The following TEX2 variants were observed in gnomAD, a reference collection of about 807,000 sequenced individuals.
The protein encoded by TEX2 is testis expressed 2, also known as testis-expressed protein 2.
Under a neutral mutation model 106.9 loss-of-function variants are expected in TEX2, and 53 were observed. The ratio of observed to expected loss-of-function variants is 0.50; its 90% confidence interval spans 0.40 to 0.62. The LOEUF is 0.62. TEX2 is among the 20% of genes least tolerant of loss of function. The probability of loss-of-function intolerance (pLI) is 0.00; values close to 1 mark genes in which losing one functional copy is unlikely to be tolerated. For missense variants in TEX2, 1,207 were observed against 1,379.0 expected, an observed-to-expected ratio of 0.88 and a Z score of 1.98; for synonymous variants, 523 against 534.8, an observed-to-expected ratio of 0.98 and a Z score of 0.30.
intron 7 of TEX2, among the ~76,000 whole-genome samples, chr17:64,168,330 C>CCACT (rs2031236207): frequency 6.6e-6 from 1 of 152,178 alleles, no homozygotes; most frequent in Non-Finnish European, 1.5e-5. Flanking sequence ...TTTGAAAACC[C>CCACT]CACTGGCTTT....
At chr17:64,219,553 A>T (rs1199906519) in intron 1 of TEX2, among the ~76,000 whole-genome samples, 3 of 151,560 alleles carry the variant, frequency 2.0e-5, no homozygotes, top group African/African-American at 7.3e-5. Flanking sequence ...AAAATAAAAT[A>T]TCTAAAGGGA....
At position 64,195,151 on chromosome 17, in the gene TEX2, T is replaced by C; in HGVS notation, c.1645-56A>G. On this transcript the variant is annotated intron_variant, in intron 2 of 11. Coordinates refer to ENST00000584379, the MANE Select transcript of TEX2 (RefSeq NM_001288732.2). This position sits in a 1 kb window ranked among gnomAD's most constrained non-coding sequence, Gnocchi z 4.1. ...CAGAATAATCGCAAATCTGATTTAGTGTGAAATGATGAACACTGTGGTATT... is the reference window on the plus strand; with the variant it reads ...CAGAATAATCGCAAATCTGATTTAGCGTGAAATGATGAACACTGTGGTATT... 1.3e-6 allele frequency: 2 copies of C among 1,513,798 alleles called. No homozygotes were observed. The highest frequency in any genetic ancestry group is 1.8e-6 in the Non-Finnish European group (2 of 1,094,982). 93.8% of individuals were successfully genotyped at this position (1,513,798 alleles called of 1,614,324 possible). A position where few individuals can be genotyped will look rare whatever the true frequency, so the allele number is the denominator to read the frequency against.
At chr17:64,177,678 CTCTT>C (rs1340532588) in intron 5 of TEX2, among the ~76,000 whole-genome samples, 2 of 152,208 alleles carry the variant, frequency 1.3e-5, no homozygotes, top group Non-Finnish European at 2.9e-5. Flanking sequence ...CTAAAACCTT[CTCTT>C]TGTCTGTTTT....
At chr17:64,249,425 T>C (rs2034050501) in intron 1 of TEX2, among the ~76,000 whole-genome samples, 1 of 152,164 alleles carries the variant, frequency 6.6e-6, no homozygotes, top group African/African-American at 2.4e-5. Context: ...TCCCACAAAA[T>C]GGCTAAAATG....
chr17:64,259,163 A>G (rs782400064), intron 1 of TEX2, among the ~76,000 whole-genome samples: 1 of 152,212 alleles, frequency 6.6e-6, no homozygotes, highest in African/African-American at 2.4e-5. Flanking sequence ...ATATGTTTCT[A>G]ATGGTGAAGC....
At position 64,188,407 on chromosome 17, in the gene TEX2, G is replaced by C. The variant is rs987565956; in HGVS notation, c.2185C>G (p.Pro729Ala). ...GGACTGTTGTGTCTGCTGTGTGCAG[G>C]CAAAAGCCCTGGAGCCAAGAAGACG... ...GVSGGKPGLL[P>A]AHSRHNSPSG... The change falls in exon 5 of 12, where the codon CCT becomes GCT. Residue 729 changes from proline to alanine, a missense_variant. Pro to Ala is a conservative substitution (Grantham distance 27, BLOSUM62 -1). Transcript: ENST00000584379. 1 of 1,614,192 alleles carries C rather than the reference G, an allele frequency of 6.2e-7. No individual in the cohort carries two copies. The highest frequency in any genetic ancestry group is 1.7e-5 in the Admixed American group (1 of 60,028).
intron 1 of TEX2, among the ~76,000 whole-genome samples, chr17:64,250,863 T>C (rs573349774): frequency 6.6e-6 from 1 of 152,160 alleles, no homozygotes; most frequent in South Asian, 2.1e-4. Flanking sequence ...TGTTTTTGTT[T>C]TTTATTTTTG....
In TEX2 at chr17:64,148,749, T is replaced by C; in HGVS notation, c.*220A>G. On this transcript the variant is annotated 3_prime_UTR_variant, in exon 12 of 12. Transcript: ENST00000584379. ...ACCATGATTCTTCCATGGTCTCCTT[T>C]GCCAAATCAAAGCTTTGCAGCAGGC... 1.9e-6 allele frequency: 1 copy of C among 535,002 alleles called. No homozygotes were observed. The highest frequency in any genetic ancestry group is 3.3e-6 in the Non-Finnish European group (1 of 307,342). 33.1% of individuals were successfully genotyped at this position (535,002 alleles called of 1,614,324 possible).
chr17:64,177,704 A>C (rs2031671075), intron 5 of TEX2, among the ~76,000 whole-genome samples: 1 of 152,212 alleles, frequency 6.6e-6, no homozygotes, highest in Non-Finnish European at 1.5e-5. Flanking sequence ...TTTTTCTACC[A>C]GTCTTCCTGT....
At chr17:64,220,949 C>T (rs2033342428) in intron 1 of TEX2, among the ~76,000 whole-genome samples, 1 of 152,140 alleles carries the variant, frequency 6.6e-6, no homozygotes, top group South Asian at 2.1e-4. Context: ...ACAGAATCAA[C>T]CCAAATGCCC....
intron 5 of TEX2, among the ~76,000 whole-genome samples, chr17:64,182,242 G>T (rs1025729954): frequency 2.0e-5 from 3 of 152,094 alleles, no homozygotes; most frequent in Non-Finnish European, 4.4e-5. Flanking sequence ...GACAAATACT[G>T]TATAATTCTA....
chr17:64,256,833 C>T (rs1182980565), intron 1 of TEX2, among the ~76,000 whole-genome samples: 1 of 152,116 alleles, frequency 6.6e-6, no homozygotes, highest in African/African-American at 2.4e-5. Flanking sequence ...TTTAAATTCT[C>T]TATTTTGAGC....
At chr17:64,174,434 C>T (rs759207128) in intron 6 of TEX2, among the ~76,000 whole-genome samples, 4 of 152,158 alleles carry the variant, frequency 2.6e-5, no homozygotes, top group Non-Finnish European at 4.4e-5. Flanking sequence ...TTTATTTGCC[C>T]ATCTATCCAA....
chr17:64,169,845 C>T (rs1034438788), intron 7 of TEX2, among the ~76,000 whole-genome samples: 1 of 152,150 alleles, frequency 6.6e-6, no homozygotes, highest in Non-Finnish European at 1.5e-5. Flanking sequence ...TTTCTCCTAC[C>T]TTGTTCCTAA....
chr17:64,176,361 TTAATC>T (rs1299440286), intron 6 of TEX2, among the ~76,000 whole-genome samples: 1 of 152,236 alleles, frequency 6.6e-6, no homozygotes, highest in Admixed American at 6.5e-5. Context: ...TCACAGTTTC[TTAATC>T]TAGAGTCCTT....
chr17:64,157,934 T>C (rs1567907388), intron 8 of TEX2, among the ~76,000 whole-genome samples: 1 of 152,340 alleles, frequency 6.6e-6, no homozygotes, highest in East Asian at 1.9e-4. Flanking sequence ...TTCACTTCCA[T>C]GCCACTTTCC....
intron 2 of TEX2, among the ~76,000 whole-genome samples, chr17:64,207,902 AT>A (rs1314632003): frequency 2.0e-5 from 3 of 151,798 alleles, no homozygotes; most frequent in Non-Finnish European, 2.9e-5. Context: ...CGCCCAGCTA[AT>A]TTTTTTGTAT....
intron 5 of TEX2, among the ~76,000 whole-genome samples, chr17:64,183,573 T>C (rs1000537959): frequency 6.6e-6 from 1 of 152,160 alleles, no homozygotes; most frequent in African/African-American, 2.4e-5. Context: ...ATTACAGGCA[T>C]GCGCCACCAT....
At chr17:64,218,059 C>A (rs2033235547) in intron 1 of TEX2, among the ~76,000 whole-genome samples, 1 of 152,112 alleles carries the variant, frequency 6.6e-6, no homozygotes, top group South Asian at 2.1e-4. Flanking sequence ...TTCTGCTGAA[C>A]ACAACTAACA....
Sources: allele counts gnomAD v4.1 joint callset (sites outside exome capture counted in the v4.1 genomes callset), GRCh38; gene constraint gnomAD v4.1.1; non-coding constraint Gnocchi (gnomAD v3.1); transcripts MANE v1.5; gene names NCBI Gene and HGNC (gene_info 2026-07-23, HGNC 2026-07-21).